Variants in ERGIC1 observed in about 807,000 individuals in gnomAD.
The protein encoded by ERGIC1 is endoplasmic reticulum-golgi intermediate compartment 1.
Under a neutral mutation model 38.3 loss-of-function variants are expected in ERGIC1, and 19 were observed. The ratio of observed to expected loss-of-function variants is 0.50; its 90% CI spans 0.35 to 0.73. The LOEUF (loss-of-function observed/expected upper bound fraction) is 0.73. ERGIC1 is among the 30% of genes least tolerant of loss of function. The pLI is 0.01. For synonymous variants in ERGIC1, 124 were observed against 157.6 expected (o/e 0.79, Z 1.60); for missense variants, 294 against 389.2 (o/e 0.76, Z 2.06).
chr5:172,929,848 A>G lies in ERGIC1; in HGVS notation c.542-2588A>G, dbSNP rs145490010. Among the ~76,000 whole-genome samples the G allele has an allele frequency of 9.6e-3, 1,457 of 152,252 alleles. 18 individuals are homozygous for G. Among genetic ancestry groups the G allele is most frequent in the African/African-American group, 0.033 (1,387 of 41,544 alleles). The stretch of plus-strand genomic sequence containing the variant: ...GAATAAAACAAACTCTGCAGAGCTT[A>G]TGTTCTGTGTCTTAGACCTGAAAAG... On this transcript the variant is annotated intron_variant, in intron 7 of 9. Coordinates refer to ENST00000393784, the MANE Select transcript of ERGIC1 (RefSeq NM_001031711.3).
intron 6 of ERGIC1, 97 bp downstream of exon 6, chr5:172,924,206 T>G: frequency 8.4e-7 from 1 of 1,188,792 alleles, no homozygotes. Flanking sequence ...TAGGAAGAGT[T>G]ACCGTTAAGG....
intron 1 of ERGIC1, among the ~76,000 whole-genome samples, chr5:172,853,866 A>C (rs1761473465): frequency 6.6e-6 from 1 of 152,316 alleles, no homozygotes; most frequent in East Asian, 1.9e-4. Flanking sequence ...AAATTCCATG[A>C]TCAGTTCGTT....
rs1429850022 is a variant in ERGIC1, at chr5:172,893,935, G to GTGTGTGTGTGTGTATATATA, written c.83-3066_83-3065insGTGTGTGTGTGTATATATAT. Reference sequence around the variant, plus strand: ...TGTGTGTGTGTGTGTGTGTGTGTGTGTATATATATATATATATATTTAAAT... The same window carrying GTGTGTGTGTGTGTATATATA: ...TGTGTGTGTGTGTGTGTGTGTGTGTGTGTGTGTGTGTGTATATATATATATATATATATATATATTTAAAT... On this transcript the variant is annotated intron_variant, in intron 2 of 9. Coordinates refer to ENST00000393784, the MANE Select transcript of ERGIC1 (RefSeq NM_001031711.3). 5.1e-4 allele frequency among the ~76,000 whole-genome samples: 22 copies of GTGTGTGTGTGTGTATATATA among 42,818 alleles called. 1 individual carries two copies. Among genetic ancestry groups the GTGTGTGTGTGTGTATATATA allele is most frequent in the South Asian group, 2.6e-3 (3 of 1,154 alleles). 28.1% of individuals were successfully genotyped at this position (42,818 alleles called of 152,430 possible). A position where few individuals can be genotyped will look rare whatever the true frequency, so the allele number is the denominator to read the frequency against.
chr5:172,863,153 A>G (rs905401161), intron 1 of ERGIC1, among the ~76,000 whole-genome samples: 3 of 152,110 alleles, frequency 2.0e-5, no homozygotes, highest in Non-Finnish European at 2.9e-5. Context: ...GTTTCGTCAT[A>G]TTGGCCAGGC....
chr5:172,923,168 C>T (rs775862271), intron 5 of ERGIC1, among the ~76,000 whole-genome samples: 1,683 of 70,086 alleles, frequency 0.024, no homozygotes, highest in Non-Finnish European at 0.034. Flanking sequence ...AGGATCATAC[C>T]AAGGGTTCTA....
intron 2 of ERGIC1, among the ~76,000 whole-genome samples, chr5:172,894,132 CTTTTTTTTTTTTT>C (rs781661227): frequency 9.5e-5 from 1 of 10,506 alleles, no homozygotes; most frequent in South Asian, 4.0e-3. Flanking sequence ...GCTGATGATA[CTTTTTTTTTTTTT>C]TTTTTTTTTT....
At chr5:172,945,073 T>C (rs1444061466) in intron 9 of ERGIC1, among the ~76,000 whole-genome samples, 5 of 152,180 alleles carry the variant, frequency 3.3e-5, no homozygotes, top group East Asian at 1.9e-4. Flanking sequence ...GCACCTCCCA[T>C]GTGGTCAGTT....
chr5:172,841,002 A>G (rs969432024), intron 1 of ERGIC1, among the ~76,000 whole-genome samples: 1 of 152,156 alleles, frequency 6.6e-6, no homozygotes, highest in Non-Finnish European at 1.5e-5. Flanking sequence ...TCAGCCCAAC[A>G]TTTGCCACAT....
At position 172,834,881 on chromosome 5, in the gene ERGIC1, C is replaced by T. The variant is rs1032231462; in HGVS notation, c.20+448C>T. On this transcript the variant is annotated intron_variant, in intron 1 of 9. Transcript: ENST00000393784. The surrounding 1 kb of genome is among the most constrained non-coding windows in gnomAD (Gnocchi z 4.1). ...GGGCCTGGGGCCCCATGCAGCCTGC[C>T]GGCAGCTGGAGGGTTTTAAGTTTCT... Among the ~76,000 whole-genome samples the T allele has an allele frequency of 1.1e-4, 16 of 152,184 alleles. No homozygotes were observed. The highest frequency in any genetic ancestry group is 2.2e-4 in the Non-Finnish European group (15 of 68,034).
chr5:172,940,130 G>A (rs1274168118), intron 9 of ERGIC1, among the ~76,000 whole-genome samples: 2 of 152,230 alleles, frequency 1.3e-5, no homozygotes, highest in South Asian at 2.1e-4. Flanking sequence ...GAGGGAGGGA[G>A]GGTAGAGGCA....
At position 172,892,060 on chromosome 5, in the gene ERGIC1, A is replaced by ATTTTTGTTTTGTTTTGTTT. The variant is rs372105420; in HGVS notation, c.82+3301_82+3302insTTTTGTTTTGTTTTGTTTT. Among the ~76,000 whole-genome samples the ATTTTTGTTTTGTTTTGTTT allele has an allele frequency of 8.6e-4, 108 of 125,582 alleles. No individual in the cohort carries two copies. In the East Asian group the frequency reaches 0.019, roughly 22 times the overall value. 82.4% of individuals were successfully genotyped at this position (125,582 alleles called of 152,430 possible). A position where few individuals can be genotyped will look rare whatever the true frequency, so the allele number is the denominator to read the frequency against. ...AAGAGGAATTACTGGGTTAAAGAGT[A>ATTTTTGTTTTGTTTTGTTT]TGTTTTTTTTTTTTTTTTTTTTTTT... On this transcript the variant is annotated intron_variant, in intron 2 of 9. Coordinates refer to ENST00000393784, the MANE Select transcript of ERGIC1 (RefSeq NM_001031711.3).
intron 1 of ERGIC1, among the ~76,000 whole-genome samples, chr5:172,841,937 A>C (rs1561697473): frequency 6.6e-6 from 1 of 152,346 alleles, no homozygotes; most frequent in East Asian, 1.9e-4. Flanking sequence ...AATCACCACC[A>C]TCCAGATACA....
chr5:172,849,940 ATCT>A (rs1761363655), intron 1 of ERGIC1, among the ~76,000 whole-genome samples: 2 of 152,066 alleles, frequency 1.3e-5, no homozygotes, highest in African/African-American at 4.8e-5. Flanking sequence ...TATAAATATC[ATCT>A]TCTTCTGTTC....
chr5:172,905,819 G>A (rs997085952), intron 3 of ERGIC1, among the ~76,000 whole-genome samples: 6 of 152,190 alleles, frequency 3.9e-5, no homozygotes, highest in African/African-American at 9.7e-5. Flanking sequence ...GACCAAAAGG[G>A]GGTTGCCCAA....
At chr5:172,934,961 G>T (rs1387001567) in intron 8 of ERGIC1, 4 of 559,724 alleles carry the variant, frequency 7.1e-6, no homozygotes, top group Non-Finnish European at 1.3e-5. Flanking sequence ...AGCTCACTTG[G>T]TCAATTTCTA....
intron 5 of ERGIC1, among the ~76,000 whole-genome samples, chr5:172,923,426 C>T (rs1305444731): frequency 1.3e-5 from 2 of 152,100 alleles, no homozygotes; most frequent in East Asian, 1.9e-4. Context: ...TGCAGTGGCT[C>T]CTGCCACATG....
chr5:172,854,263 T>G lies in ERGIC1; in HGVS notation c.20+19830T>G, dbSNP rs1359462446. ...TGGGCATGGTGGCCTGCACCTGTGG[T>G]CTCAGCTACTCAGGAGGCTGAGGCG... On this transcript the variant is annotated intron_variant, in intron 1 of 9. Coordinates refer to ENST00000393784, the MANE Select transcript of ERGIC1 (RefSeq NM_001031711.3). 1.3e-5 allele frequency among the ~76,000 whole-genome samples: 2 copies of G among 150,658 alleles called. 1 individual carries two copies. The highest frequency in any genetic ancestry group is 3.9e-4 in the East Asian group (2 of 5,174).
rs1173039695 is a variant in ERGIC1 at position 172,893,905 on chromosome 5, A to ATATATGTGTGTGTG, written c.83-3096_83-3095insATATGTGTGTGTGT. ...TATATATATATATATATATATATAT[A>ATATATGTGTGTGTG]TGTGTGTGTGTGTGTGTGTGTGTGT... On this transcript the variant is annotated intron_variant, in intron 2 of 9. Transcript: ENST00000393784. Among the ~76,000 whole-genome samples, 52 of 15,518 alleles carry ATATATGTGTGTGTG rather than the reference A, an allele frequency of 3.4e-3. 3 individuals are homozygous for ATATATGTGTGTGTG. The highest frequency in any genetic ancestry group is 8.1e-3 in the Non-Finnish European group (38 of 4,706). The allele number at this position is 15,518 out of a possible 152,430, so 10.2% of individuals were successfully genotyped here.
chr5:172,901,880 C>T (rs550444369), intron 3 of ERGIC1, among the ~76,000 whole-genome samples: 4 of 152,138 alleles, frequency 2.6e-5, no homozygotes, highest in Non-Finnish European at 5.9e-5. Context: ...GGATTATAGG[C>T]ATGCAGGCTG....
Sources: gnomAD v4.1 joint callset for allele counts (sites outside exome capture counted in the v4.1 genomes callset) on GRCh38, gnomAD v4.1.1 for gene constraint, Gnocchi (gnomAD v3.1) non-coding constraint, MANE v1.5 for transcripts, NCBI Gene and HGNC (gene_info 2026-07-23, HGNC 2026-07-21) for gene names.